UGGT2: variants seen among roughly 807,000 people sequenced by gnomAD.
UGGT2 encodes the protein UDP-glucose glycoprotein glucosyltransferase 2, also known as UDP-glucose:glycoprotein glucosyltransferase 2.
A neutral mutation model predicts 192.1 loss-of-function variants in UGGT2; 180 were observed. The observed-to-expected ratio is 0.94, with a 90% CI of 0.83 to 1.06. UGGT2 has a LOEUF of 1.06. Among genes scored for constraint, UGGT2 ranks in the 50% least tolerant of loss-of-function variants. The probability of loss-of-function intolerance (pLI) is 0.00; values close to 1 mark genes in which losing one functional copy is unlikely to be tolerated. For missense variants in UGGT2, 1,849 were observed against 1,795.7 expected, an observed-to-expected ratio of 1.03 and a Z score of -0.54; for synonymous variants, 580 against 591.0, an observed-to-expected ratio of 0.98 and a Z score of 0.27.
At chr13:95,904,551 T>C (rs893404197) in intron 20 of UGGT2, among the ~76,000 whole-genome samples, 8 of 144,668 alleles carry the variant, frequency 5.5e-5, no homozygotes, top group African/African-American at 2.3e-4. Context: ...CGGTGTTTGG[T>C]TTTTTGTTCT....
At chr13:95,822,581 T>C (rs1372994546) in intron 38 of UGGT2, among the ~76,000 whole-genome samples, 3 of 152,132 alleles carry the variant, frequency 2.0e-5, no homozygotes, top group Non-Finnish European at 4.4e-5. Flanking sequence ...AGTACTATGC[T>C]AATAGTTCGT....
chr13:95,924,975 C>A (rs1352768002), intron 20 of UGGT2, among the ~76,000 whole-genome samples: 2 of 152,120 alleles, frequency 1.3e-5, no homozygotes, highest in African/African-American at 2.4e-5. Flanking sequence ...AATTCTTGAA[C>A]CTCAGAAACT....
chr13:95,986,949 T>C (rs141904058), intron 8 of UGGT2, among the ~76,000 whole-genome samples: 2 of 152,096 alleles, frequency 1.3e-5, no homozygotes, highest in Non-Finnish European at 2.9e-5. Context: ...AAAAGAAAAA[T>C]GTGTGTTGCT....
chr13:95,825,219 T>A (rs1233123362), intron 38 of UGGT2, among the ~76,000 whole-genome samples: 1 of 152,162 alleles, frequency 6.6e-6, no homozygotes, highest in Admixed American at 6.6e-5. Context: ...AGTATTTTAT[T>A]TACTGAGTTG....
chr13:95,884,063 G>T (rs1294117013), intron 27 of UGGT2, among the ~76,000 whole-genome samples: 1 of 16,632 alleles, frequency 6.0e-5, no homozygotes, highest in Non-Finnish European at 1.6e-4. Flanking sequence ...GAGCTGTGAG[G>T]CCAAAAAAAA....
intron 10 of UGGT2, among the ~76,000 whole-genome samples, chr13:95,978,764 T>C (rs973356632): frequency 6.6e-6 from 1 of 152,220 alleles, no homozygotes; most frequent in Non-Finnish European, 1.5e-5. Context: ...TCAAATCAGA[T>C]ATAAATCTTA....
At chr13:96,050,361 T>C (rs1188880769) in intron 1 of UGGT2, among the ~76,000 whole-genome samples, 1 of 152,170 alleles carries the variant, frequency 6.6e-6, no homozygotes, top group African/African-American at 2.4e-5. Context: ...ATGTTAGATC[T>C]AAAACCATAA....
chr13:95,898,329 A>G (rs1402765569), intron 22 of UGGT2, among the ~76,000 whole-genome samples: 2 of 151,948 alleles, frequency 1.3e-5, no homozygotes, highest in African/African-American at 2.4e-5. Flanking sequence ...ATAAAACCCA[A>G]TATGATCTGG....
At chr13:95,961,620 A>AAG (rs1170372643) in intron 12 of UGGT2, among the ~76,000 whole-genome samples, 4 of 152,132 alleles carry the variant, frequency 2.6e-5, no homozygotes, top group South Asian at 2.1e-4. Flanking sequence ...ATTACAGCTA[A>AAG]AGAGAGAGAG....
intron 4 of UGGT2, among the ~76,000 whole-genome samples, chr13:96,019,664 C>T (rs1347060058): frequency 2.0e-4 from 31 of 152,134 alleles, no homozygotes; most frequent in Admixed American, 2.0e-3. Flanking sequence ...AGTGTGCAAG[C>T]CCCAAGGAGT....
chr13:95,933,768 G>A (rs192429604), intron 17 of UGGT2, among the ~76,000 whole-genome samples: 112 of 152,116 alleles, frequency 7.4e-4, no homozygotes, highest in Non-Finnish European at 1.5e-3. Context: ...TGCAAGCTCC[G>A]CCTCCCGGGT....
At chr13:95,809,548 G>C (rs1884477767) in intron 38 of UGGT2, 1 of 337,844 alleles carries the variant, frequency 3.0e-6, no homozygotes, top group Non-Finnish European at 5.9e-6. Context: ...CAAGTGTGCA[G>C]ATCTCCTCTC....
At chr13:95,955,514 C>T (rs900586535) in intron 12 of UGGT2, among the ~76,000 whole-genome samples, 1 of 152,174 alleles carries the variant, frequency 6.6e-6, no homozygotes, top group African/African-American at 2.4e-5. Flanking sequence ...AACAGTAATA[C>T]TTCTGAGTAT....
At chr13:95,816,704 G>A (rs1241856454) in intron 38 of UGGT2, among the ~76,000 whole-genome samples, 1 of 152,222 alleles carries the variant, frequency 6.6e-6, no homozygotes, top group South Asian at 2.1e-4. Context: ...GCAGCTTAGT[G>A]ATTGTAAGAG....
intron 20 of UGGT2, among the ~76,000 whole-genome samples, chr13:95,914,588 A>G (rs2140363840): frequency 7.6e-6 from 1 of 131,034 alleles, no homozygotes; most frequent in Middle Eastern, 4.6e-3. Context: ...CACTCTGGCC[A>G]TTATGGTGAA....
intron 36 of UGGT2, among the ~76,000 whole-genome samples, chr13:95,848,945 G>C (rs922220089): frequency 1.3e-5 from 2 of 151,990 alleles, no homozygotes; most frequent in African/African-American, 2.4e-5. Context: ...CAGTGTTCTT[G>C]AATTTCTTTC....
intron 20 of UGGT2, among the ~76,000 whole-genome samples, chr13:95,908,517 C>T (rs182500106): frequency 2.8e-3 from 423 of 152,280 alleles, no homozygotes; most frequent in Middle Eastern, 6.8e-3. Context: ...CCTGAGGAAT[C>T]GCCACACTGA....
At chr13:95,974,390 C>T (rs1045059906) in intron 10 of UGGT2, among the ~76,000 whole-genome samples, 1 of 152,200 alleles carries the variant, frequency 6.6e-6, no homozygotes, top group Non-Finnish European at 1.5e-5. Flanking sequence ...TCCAGCACCT[C>T]ATACATTCGT....
chr13:95,855,223 C>A (rs1476230458), intron 34 of UGGT2, among the ~76,000 whole-genome samples: 2 of 150,996 alleles, frequency 1.3e-5, no homozygotes, highest in African/African-American at 4.9e-5. Context: ...GAGTCTGAGG[C>A]TACAGTAAGC....
Sources: allele counts gnomAD v4.1 joint callset (sites outside exome capture counted in the v4.1 genomes callset), GRCh38; gene constraint gnomAD v4.1.1; transcripts MANE v1.5; gene names NCBI Gene and HGNC (gene_info 2026-07-23, HGNC 2026-07-21).